The following SLC9A4 variants were observed in gnomAD, a reference collection of about 807,000 sequenced individuals.
SLC9A4 encodes the protein sodium/hydrogen exchanger 4.
SLC9A4 carries 63 observed loss-of-function variants against 67.4 expected under a neutral mutation model. That is an observed-to-expected ratio of 0.93 (90% confidence interval 0.76 to 1.15). The LOEUF (loss-of-function observed/expected upper bound fraction) is 1.15. Ranked by LOEUF, SLC9A4 falls within the 50% of genes most tolerant of loss-of-function variation. The pLI is 0.00. For synonymous variants in SLC9A4, 393 were observed against 367.2 expected (o/e 1.07, Z -0.80); for missense variants, 1,089 against 987.7 (o/e 1.10, Z -1.38).
intron 1 of SLC9A4, among the ~76,000 whole-genome samples, chr2:102,475,828 T>G (rs1280874614): frequency 6.6e-6 from 1 of 152,198 alleles, no homozygotes; most frequent in African/African-American, 2.4e-5. Context: ...AAGGGCTTGT[T>G]TACTAGGGCC....
At chr2:102,492,798 TG>T (rs1420163198) in intron 2 of SLC9A4, among the ~76,000 whole-genome samples, 3 of 58,946 alleles carry the variant, frequency 5.1e-5, no homozygotes, top group East Asian at 4.7e-4. Flanking sequence ...CCCCAGAAAA[TG>T]TTTTTTTTCT....
chr2:102,479,269 T>C lies in SLC9A4; in HGVS notation c.687T>C (p.Phe229=). The C allele has an allele frequency of 6.2e-7, 1 of 1,613,138 alleles. No individual in the cohort carries two copies. Among genetic ancestry groups the C allele is most frequent in the Admixed American group, 1.7e-5 (1 of 60,010 alleles). The stretch of plus-strand genomic sequence containing the variant: ...ACGAGCAGCTCTACATGATGATCTT[T>C]GGGGAGGCCCTGCTCAATGATGGCA... ...RVNEQLYMMI[F]GEALLNDGIT... Residue 229 remains phenylalanine (F), a synonymous_variant, in exon 2 of 12, where the codon TTT becomes TTC. Coordinates refer to ENST00000295269, the MANE Select transcript of SLC9A4 (RefSeq NM_001011552.4).
rs1685366080 is a variant in SLC9A4, at chr2:102,519,954, GGGT to G, written c.1818+1_1818+3del. 6.2e-7 allele frequency: 1 copy of G among 1,613,236 alleles called. No individual in the cohort carries two copies. The highest frequency in any genetic ancestry group is 1.7e-5 in the Admixed American group (1 of 59,974). ...TCCAACATGTACCAAGTTCGGCAAAGGGTGTGTATGAGCCACCTGTGTTGTCCC... is the reference window on the plus strand; with the variant it reads ...TCCAACATGTACCAAGTTCGGCAAAGGTGTATGAGCCACCTGTGTTGTCCC... On this transcript the variant is annotated splice_donor_variant and coding_sequence_variant, in exon 9 of 12. Transcript: ENST00000295269. LOFTEE classifies it high-confidence loss of function.
chr2:102,524,916 G>A (rs1244987878), intron 9 of SLC9A4, 108 bp from the exon 10 acceptor site: 2 of 1,340,956 alleles, frequency 1.5e-6, no homozygotes, highest in Non-Finnish European at 2.1e-6. Context: ...GACCTCCAAG[G>A]TGCTCACCTG....
chr2:102,495,109 G>A (rs773106365), intron 2 of SLC9A4, among the ~76,000 whole-genome samples: 1 of 151,932 alleles, frequency 6.6e-6, no homozygotes, highest in African/African-American at 2.4e-5. Context: ...AATAACTTTA[G>A]AAGACTTGTT....
At chr2:102,476,818 A>T (rs1337695851) in intron 1 of SLC9A4, among the ~76,000 whole-genome samples, 1 of 152,076 alleles carries the variant, frequency 6.6e-6, no homozygotes, top group Non-Finnish European at 1.5e-5. Context: ...GAGGAGGAGA[A>T]ATAGGAGGAG....
chr2:102,514,082 AT>A lies in SLC9A4; in HGVS notation c.1560-3del. 5.0e-6 allele frequency: 8 copies of A among 1,608,862 alleles called. No homozygotes were observed. Among genetic ancestry groups the A allele is most frequent in the Non-Finnish European group, 6.8e-6 (8 of 1,178,374 alleles). On this transcript the variant is annotated splice_polypyrimidine_tract_variant and splice_region_variant and intron_variant, in intron 7 of 11. Transcript: ENST00000295269. ...CAAGATTTCCAAAATGTTGGTTTTC[AT>A]TTTTAGGTTTAAGAAGTTTGATCAT...
chr2:102,474,599 G>T (rs1202539422), intron 1 of SLC9A4, among the ~76,000 whole-genome samples: 1 of 152,122 alleles, frequency 6.6e-6, no homozygotes, highest in Non-Finnish European at 1.5e-5. Flanking sequence ...ACCAAGTGGG[G>T]CCAGTGAGGC....
At chr2:102,515,832 C>T (rs1234808937) in intron 8 of SLC9A4, among the ~76,000 whole-genome samples, 1 of 152,078 alleles carries the variant, frequency 6.6e-6, no homozygotes, top group East Asian at 1.9e-4. Flanking sequence ...AGACACAGGC[C>T]TTGCCCTCAT....
intron 11 of SLC9A4, among the ~76,000 whole-genome samples, chr2:102,526,861 A>T (rs1674677212): frequency 6.6e-6 from 1 of 152,306 alleles, no homozygotes; most frequent in Non-Finnish European, 1.5e-5. Context: ...TTGAAACTTT[A>T]TTATTCTAAT....
At position 102,505,410 on chromosome 2, in the gene SLC9A4, C is replaced by T. The variant is rs770404484; in HGVS notation, c.1137C>T (p.His379=). Residue 379 remains histidine (H), a synonymous_variant, in exon 4 of 12, where the codon CAC becomes CAT. Coordinates refer to ENST00000295269, the MANE Select transcript of SLC9A4 (RefSeq NM_001011552.4). ...GTGTGTCCACTGTGGGCAAGAATCA[C>T]GAGTGGAACTGGGCCTTCATCTGCT... ...FMGVSTVGKN[H]EWNWAFICFT... The T allele has an allele frequency of 1.3e-5, 21 of 1,614,104 alleles. No individual in the cohort carries two copies. The African/African-American group carries it at 1.3e-4, about 10-fold the overall frequency.
Position 102,527,170 on chromosome 2 carries a change from C to G in SLC9A4, c.2038+824C>G, listed in dbSNP as rs757733404. The stretch of plus-strand genomic sequence containing the variant: ...GTTAAAAGCATTTGCAACCCTAATG[C>G]CAAGGTATGATCACCATAGAATGTT... On this transcript the variant is annotated intron_variant, in intron 11 of 11. Coordinates refer to ENST00000295269, the MANE Select transcript of SLC9A4 (RefSeq NM_001011552.4). 8.5e-5 allele frequency among the ~76,000 whole-genome samples: 13 copies of G among 152,174 alleles called. No individual in the cohort carries two copies. The South Asian group carries it at 1.0e-3, about 12-fold the overall frequency.
chr2:102,489,379 G>C (rs532940268), intron 2 of SLC9A4, among the ~76,000 whole-genome samples: 2 of 152,098 alleles, frequency 1.3e-5, no homozygotes, highest in Non-Finnish European at 2.9e-5. Flanking sequence ...GAAATTGTTC[G>C]GTAGTTATAG....
intron 8 of SLC9A4, among the ~76,000 whole-genome samples, chr2:102,515,453 T>G (rs747201669): frequency 7.4e-5 from 11 of 149,406 alleles, no homozygotes; most frequent in Non-Finnish European, 7.5e-5. Context: ...TCTGCCTTAT[T>G]TCTTAGTGAC....
intron 2 of SLC9A4, among the ~76,000 whole-genome samples, chr2:102,490,562 G>C (rs758180883): frequency 2.0e-5 from 3 of 152,154 alleles, no homozygotes; most frequent in Non-Finnish European, 4.4e-5. Context: ...GAAAGATGCT[G>C]TCTCTATATG....
At chr2:102,507,705 C>T (rs1355944478) in intron 4 of SLC9A4, among the ~76,000 whole-genome samples, 2 of 152,012 alleles carry the variant, frequency 1.3e-5, no homozygotes, top group African/African-American at 4.8e-5. Flanking sequence ...CATTTATCCC[C>T]CCACCCACTC....
At chr2:102,485,104 C>A (rs1684559152) in intron 2 of SLC9A4, among the ~76,000 whole-genome samples, 1 of 152,190 alleles carries the variant, frequency 6.6e-6, no homozygotes, top group Non-Finnish European at 1.5e-5. Context: ...CCCCTGGACC[C>A]AGACTGTCTA....
intron 2 of SLC9A4, among the ~76,000 whole-genome samples, chr2:102,481,430 C>T (rs764665828): frequency 6.6e-6 from 1 of 152,218 alleles, no homozygotes; most frequent in Admixed American, 6.5e-5. Flanking sequence ...CTGTCACATG[C>T]TGTACATTGA....
chr2:102,512,068 G>A, intron 6 of SLC9A4, 135 bp from the exon 7 acceptor site: 1 of 834,436 alleles, frequency 1.2e-6, no homozygotes, highest in East Asian at 2.5e-5. Context: ...TTTATTACAT[G>A]AACACAGTGA....
Sources: allele counts gnomAD v4.1 joint callset (sites outside exome capture counted in the v4.1 genomes callset), GRCh38; gene constraint gnomAD v4.1.1; transcripts MANE v1.5; gene names NCBI Gene and HGNC (gene_info 2026-07-23, HGNC 2026-07-21).